Variants in WWC1 observed in about 807,000 individuals in gnomAD.
WWC1 encodes the protein protein KIBRA.
A neutral mutation model predicts 138.4 loss-of-function variants in WWC1; 55 were observed. The ratio of observed to expected loss-of-function variants is 0.40; its 90% CI spans 0.32 to 0.50. The LOEUF is 0.50. Among genes scored for constraint, WWC1 ranks in the 20% least tolerant of loss-of-function variants. The pLI, the probability that WWC1 is intolerant of heterozygous loss-of-function variation, is 0.72. For missense variants in WWC1, 1,226 were observed against 1,420.4 expected, an observed-to-expected ratio of 0.86 and a Z score of 2.20; for synonymous variants, 524 against 564.9, an observed-to-expected ratio of 0.93 and a Z score of 1.03.
intron 1 of WWC1, among the ~76,000 whole-genome samples, chr5:168,303,248 G>C (rs1287158956): frequency 2.6e-5 from 4 of 152,194 alleles, no homozygotes; most frequent in Non-Finnish European, 4.4e-5. Context: ...TTGTTTTGCT[G>C]ACCAAAGCCT....
chr5:168,338,108 C>T (rs1470710018), intron 1 of WWC1, among the ~76,000 whole-genome samples: 3 of 151,852 alleles, frequency 2.0e-5, no homozygotes, highest in Non-Finnish European at 2.9e-5. Flanking sequence ...GTCAGGAGTT[C>T]GAGACCGGTC....
At chr5:168,427,039 G>A (rs1002764813) in intron 11 of WWC1, among the ~76,000 whole-genome samples, 15 of 152,220 alleles carry the variant, frequency 9.9e-5, no homozygotes, top group African/African-American at 3.6e-4. Flanking sequence ...TTAAGGTTAG[G>A]GAAGAGGAGG....
At chr5:168,448,591 C>T (rs1287869428) in intron 17 of WWC1, among the ~76,000 whole-genome samples, 2 of 149,664 alleles carry the variant, frequency 1.3e-5, no homozygotes, top group South Asian at 2.1e-4. Flanking sequence ...TTTTAATAGA[C>T]ATCATAGAAT....
At chr5:168,390,838 T>C (rs1778430619) in intron 3 of WWC1, among the ~76,000 whole-genome samples, 1 of 152,214 alleles carries the variant, frequency 6.6e-6, no homozygotes, top group African/African-American at 2.4e-5. Flanking sequence ...GAACTAACAT[T>C]TAATATGCAC....
At chr5:168,338,310 C>CA (rs201532417) in intron 1 of WWC1, among the ~76,000 whole-genome samples, 6,501 of 125,096 alleles carry the variant, frequency 0.052, 473 homozygotes, top group African/African-American at 0.17. Context: ...GACTTTGCCT[C>CA]AAAAAAAAAA....
intron 1 of WWC1, among the ~76,000 whole-genome samples, chr5:168,347,600 A>G (rs1774581559): frequency 6.6e-6 from 1 of 152,214 alleles, no homozygotes; most frequent in African/African-American, 2.4e-5. Context: ...CGTGGCCTCA[A>G]CTGGGCACAG....
At position 168,292,801 on chromosome 5, in the gene WWC1, A is replaced by C. The variant is rs1769181708; in HGVS notation, c.119+530A>C. 6.6e-6 allele frequency among the ~76,000 whole-genome samples: 1 copy of C among 151,966 alleles called. No homozygotes were observed. The highest frequency in any genetic ancestry group is 6.5e-5 in the Admixed American group (1 of 15,276). Reference sequence around the variant, plus strand: ...AAGGCAACCTGAGGTGTGCTTTTTGACAGGTGCCTTGGAAGCTGCTGAGAA... The same window carrying C: ...AAGGCAACCTGAGGTGTGCTTTTTGCCAGGTGCCTTGGAAGCTGCTGAGAA... On this transcript the variant is annotated intron_variant, in intron 1 of 22. Transcript: ENST00000265293. This position sits in a 1 kb window ranked among gnomAD's most constrained non-coding sequence, Gnocchi z 4.4.
At chr5:168,441,985 C>T in intron 16 of WWC1, 151 bp downstream of exon 16, 1 of 1,202,290 alleles carries the variant, frequency 8.3e-7, no homozygotes, top group African/African-American at 1.5e-5. Context: ...AAGGAGAGAT[C>T]TCCACTAAGG....
chr5:168,308,643 C>T, intron 1 of WWC1, among the ~76,000 whole-genome samples: 1 of 152,138 alleles, frequency 6.6e-6, no homozygotes, highest in East Asian at 1.9e-4. Context: ...GGCCCTACCC[C>T]AGTCAGAATC....
At chr5:168,352,560 TC>T in intron 1 of WWC1, among the ~76,000 whole-genome samples, 1 of 151,686 alleles carries the variant, frequency 6.6e-6, no homozygotes. Context: ...TTAGTTTTCA[TC>T]TGAAATGAGG....
At chr5:168,407,050 C>G (rs1353524099) in intron 6 of WWC1, among the ~76,000 whole-genome samples, 1 of 152,052 alleles carries the variant, frequency 6.6e-6, no homozygotes, top group Non-Finnish European at 1.5e-5. Context: ...CCTTAGCCTC[C>G]CAAAGTGCTG....
At chr5:168,387,638 C>T (rs1191502733) in intron 3 of WWC1, among the ~76,000 whole-genome samples, 1 of 152,158 alleles carries the variant, frequency 6.6e-6, no homozygotes, top group East Asian at 1.9e-4. Context: ...GGGCTGTCTT[C>T]CCGGCTTGCA....
chr5:168,413,127 A>G (rs545514501), intron 8 of WWC1, among the ~76,000 whole-genome samples: 2 of 152,340 alleles, frequency 1.3e-5, no homozygotes, highest in East Asian at 1.9e-4. Flanking sequence ...CTGGGAGTCC[A>G]GAGGCCTCTG....
chr5:168,423,832 C>T lies in WWC1; in HGVS notation c.1574C>T (p.Ser525Phe). ...GGRLQALRSL[S>F]GTPKSMTSLS... is the part of the protein sequence containing the mutation. Reference sequence around the variant, plus strand: ...CGCCTGCAGGCTCTGCGTTCCCTGTCTGGCACCCCAAAGTCCATGACCTCC... The same window carrying T: ...CGCCTGCAGGCTCTGCGTTCCCTGTTTGGCACCCCAAAGTCCATGACCTCC... The change falls in exon 11 of 23, where the codon TCT becomes TTT. Residue 525 changes from serine (S) to phenylalanine (F), a missense_variant. By Grantham distance (155) the Ser-to-Phe change is radical. Transcript: ENST00000265293. 1 of 1,614,194 alleles carries T rather than the reference C, an allele frequency of 6.2e-7. No individual in the cohort carries two copies. The highest frequency in any genetic ancestry group is 1.1e-5 in the South Asian group (1 of 91,082).
At chr5:168,297,398 G>A (rs1415283096) in intron 1 of WWC1, among the ~76,000 whole-genome samples, 7 of 152,172 alleles carry the variant, frequency 4.6e-5, no homozygotes, top group South Asian at 2.1e-4. Flanking sequence ...AGGCTGAGGC[G>A]GGCAGATCAC....
chr5:168,300,573 G>T (rs974235365), intron 1 of WWC1, among the ~76,000 whole-genome samples: 1 of 135,758 alleles, frequency 7.4e-6, no homozygotes, highest in Non-Finnish European at 1.6e-5. Flanking sequence ...TCACTCAATG[G>T]TCAGCCAGAA....
chr5:168,378,386 A>C (rs12513773), intron 2 of WWC1, among the ~76,000 whole-genome samples: 20,708 of 152,184 alleles, frequency 0.14, 2,031 homozygotes, highest in East Asian at 0.53. Flanking sequence ...CATGTAACAA[A>C]CATGCACAGG....
chr5:168,465,548 C>CTTTTTTTTTTTTTTTTTTTTTTTTTTTTT lies in WWC1; in HGVS notation c.3150+614_3150+615insTTTTTTTTTTTTTTTTTTTTTTTTTTTTT, dbSNP rs10527141. ...CACACAAAGTTTTATATCAGCTGGGCTTTTTTTTTTTTTTTTTTTTTTTTT... is the reference window on the plus strand; with the variant it reads ...CACACAAAGTTTTATATCAGCTGGGCTTTTTTTTTTTTTTTTTTTTTTTTTTTTTTTTTTTTTTTTTTTTTTTTTTTTTT... On this transcript the variant is annotated intron_variant, in intron 21 of 22. Transcript: ENST00000265293. Among the ~76,000 whole-genome samples, 31 of 46,932 alleles carry CTTTTTTTTTTTTTTTTTTTTTTTTTTTTT rather than the reference C, an allele frequency of 6.6e-4. 15 individuals carry two copies. The highest frequency in any genetic ancestry group is 5.0e-4 in the African/African-American group (6 of 11,916). The allele number at this position is 46,932 out of a possible 152,430, so 30.8% of individuals were successfully genotyped here. A position where few individuals can be genotyped will look rare whatever the true frequency, so the allele number is the denominator to read the frequency against.
intron 1 of WWC1, among the ~76,000 whole-genome samples, chr5:168,366,040 A>G (rs998120933): frequency 3.9e-5 from 6 of 152,130 alleles, no homozygotes; most frequent in Admixed American, 2.6e-4. Context: ...GAAAGTGGAC[A>G]TTTCTTCCCA....
Sources: gnomAD v4.1 joint callset for allele counts (sites outside exome capture counted in the v4.1 genomes callset) on GRCh38, gnomAD v4.1.1 for gene constraint, Gnocchi (gnomAD v3.1) non-coding constraint, MANE v1.5 for transcripts, NCBI Gene and HGNC (gene_info 2026-07-23, HGNC 2026-07-21) for gene names.